The following BEND4 variants were observed in gnomAD, a reference collection of about 807,000 sequenced individuals.
BEND4 encodes the protein BEN domain containing 4.
Under a neutral mutation model 54.7 loss-of-function variants are expected in BEND4, and 27 were observed. The ratio of observed to expected loss-of-function variants is 0.49; its 90% CI spans 0.36 to 0.68. The LOEUF is 0.68. Among genes scored for constraint, BEND4 ranks in the 30% least tolerant of loss-of-function variants. The pLI is 0.00. For missense variants in BEND4, 702 were observed against 697.2 expected (o/e 1.01, Z -0.08); for synonymous variants, 327 against 299.5 (o/e 1.09, Z -0.95).
chr4:42,117,898 T>G (rs1189925653), intron 5 of BEND4, among the ~76,000 whole-genome samples, 163 bp from the exon 6 acceptor site: 5 of 151,226 alleles, frequency 3.3e-5, no homozygotes, highest in African/African-American at 2.5e-5. Flanking sequence ...TTAGACCCAA[T>G]TTATTCCATA....
rs536210195 is a variant in BEND4 at position 42,122,212 on chromosome 4, C to A, written c.1147-1918G>T. Reference sequence around the variant, plus strand: ...TCCTTTCTCCTCACAGGTGGAGGTACTAGGTCTATTCCTCAGCTGGGCTCT... The same window carrying A: ...TCCTTTCTCCTCACAGGTGGAGGTAATAGGTCTATTCCTCAGCTGGGCTCT... On this transcript the variant is annotated intron_variant, in intron 4 of 5. Coordinates refer to ENST00000502486, the MANE Select transcript of BEND4 (RefSeq NM_207406.4). Among the ~76,000 whole-genome samples, 135 of 152,334 alleles carry A rather than the reference C, an allele frequency of 8.9e-4. 1 individual carries two copies. The highest frequency in any genetic ancestry group is 3.2e-3 in the African/African-American group (132 of 41,588).
intron 3 of BEND4, among the ~76,000 whole-genome samples, chr4:42,132,770 C>T (rs1047249362): frequency 6.6e-6 from 1 of 152,062 alleles, no homozygotes; most frequent in African/African-American, 2.4e-5. Context: ...AAACAAGTCA[C>T]TCTCACGGTG....
At chr4:42,126,495 A>G (rs2153145376) in intron 3 of BEND4, among the ~76,000 whole-genome samples, 1 of 152,344 alleles carries the variant, frequency 6.6e-6, no homozygotes, top group South Asian at 2.1e-4. Flanking sequence ...AGTGTCCCAA[A>G]AAGAAGCTCA....
intron 3 of BEND4, among the ~76,000 whole-genome samples, chr4:42,141,355 T>C (rs1366025145): frequency 1.3e-5 from 2 of 152,154 alleles, no homozygotes; most frequent in Admixed American, 6.5e-5. Context: ...AATAAACAAG[T>C]GGGTAGCTTT....
At chr4:42,134,613 A>G (rs1411963087) in intron 3 of BEND4, among the ~76,000 whole-genome samples, 1 of 152,212 alleles carries the variant, frequency 6.6e-6, no homozygotes, top group Non-Finnish European at 1.5e-5. Context: ...CTCTCTTCAT[A>G]TCAGGACATC....
At chr4:42,123,444 T>C (rs1359161386) in intron 4 of BEND4, among the ~76,000 whole-genome samples, 2 of 151,962 alleles carry the variant, frequency 1.3e-5, no homozygotes, top group African/African-American at 4.8e-5. Flanking sequence ...AATGGGTTAC[T>C]TAAGAGTCAT....
chr4:42,127,673 G>A (rs1175440485), intron 3 of BEND4, among the ~76,000 whole-genome samples: 1 of 152,228 alleles, frequency 6.6e-6, no homozygotes, highest in Non-Finnish European at 1.5e-5. Flanking sequence ...TGCTGAGTAT[G>A]AGGCTCCAAA....
Position 42,143,944 on chromosome 4 carries a change from T to C in BEND4, c.538A>G (p.Ser180Gly). Residue 180 changes from serine (S) to glycine (G), a missense_variant, in exon 3 of 6, where the codon AGC becomes GGC. Transcript: ENST00000502486. ...AFAQQCSRVL[S>G]LLNCGGKLLD... ...AGTTTTCCTCCACAATTTAAGAGGC[T>C]AAGAACTCGACTGCACTGCTGGGCA... 6.5e-7 allele frequency: 1 copy of C among 1,542,996 alleles called. No individual in the cohort carries two copies. The highest frequency in any genetic ancestry group is 8.7e-7 in the Non-Finnish European group (1 of 1,149,370).
intron 3 of BEND4, among the ~76,000 whole-genome samples, chr4:42,137,505 A>C (rs1720735242): frequency 6.6e-6 from 1 of 152,190 alleles, no homozygotes; most frequent in Non-Finnish European, 1.5e-5. Context: ...CAAAAGCAAA[A>C]ACAAATAACT....
intron 3 of BEND4, among the ~76,000 whole-genome samples, chr4:42,132,818 AT>A (rs1560579422): frequency 1.3e-5 from 2 of 152,148 alleles, no homozygotes; most frequent in Non-Finnish European, 2.9e-5. Flanking sequence ...TGTTTTACTC[AT>A]TCATTTGTCC....
chr4:42,145,911 A>C (rs1410579384), intron 2 of BEND4, among the ~76,000 whole-genome samples: 1 of 152,008 alleles, frequency 6.6e-6, no homozygotes, highest in African/African-American at 2.4e-5. Flanking sequence ...CACAGCAGGT[A>C]CTCCTGTACA....
intron 2 of BEND4, among the ~76,000 whole-genome samples, chr4:42,144,353 A>G (rs1721002436): frequency 6.6e-6 from 1 of 152,236 alleles, no homozygotes; most frequent in Admixed American, 6.5e-5. Flanking sequence ...CAGCCACTGC[A>G]GACTCAATTC....
intron 2 of BEND4, 78 bp downstream of exon 2, chr4:42,151,579 C>G: frequency 7.3e-7 from 1 of 1,366,336 alleles, no homozygotes; most frequent in Non-Finnish European, 9.5e-7. Context: ...TGTCGGCGGC[C>G]CCCCGCTTCT....
intron 2 of BEND4, among the ~76,000 whole-genome samples, chr4:42,149,510 C>T (rs1721187933): frequency 1.3e-5 from 2 of 152,192 alleles, no homozygotes; most frequent in Admixed American, 1.3e-4. Context: ...TGCTATCAAG[C>T]TTACCCCTCT....
Position 42,151,954 on chromosome 4 carries a change from G to C in BEND4, c.190C>G (p.Pro64Ala). 3.2e-6 allele frequency: 4 copies of C among 1,249,050 alleles called. No individual in the cohort carries two copies. The East Asian group carries it at 9.5e-5, about 30-fold the overall frequency. 77.4% of individuals were successfully genotyped at this position (1,249,050 alleles called of 1,614,324 possible). ...APPPPPPPFAPHAAVSISSSE... is the reference protein window; with the variant it reads ...APPPPPPPFAAHAAVSISSSE... Reference sequence around the variant, plus strand: ...CTGCTGATGGAGACGGCGGCGTGCGGCGCGAAGGGCGGCGGGGGCGGCGGG... The same window carrying C: ...CTGCTGATGGAGACGGCGGCGTGCGCCGCGAAGGGCGGCGGGGGCGGCGGG... Residue 64 changes from proline (P) to alanine (A), a missense_variant, in exon 2 of 6, where the codon CCG (proline) becomes GCG (alanine). Coordinates refer to ENST00000502486, the MANE Select transcript of BEND4 (RefSeq NM_207406.4).
chr4:42,124,225 C>T lies in BEND4; in HGVS notation c.1146+1358G>A, dbSNP rs375612484. 3.3e-5 allele frequency among the ~76,000 whole-genome samples: 5 copies of T among 152,112 alleles called. No individual in the cohort carries two copies. In the East Asian group the frequency reaches 9.6e-4, roughly 29 times the overall value. ...AAAGTTAGCTGGGCGTGGTGGTGCA[C>T]ACCTGTAGTCTCGGCTATTTGCGGG... On this transcript the variant is annotated intron_variant, in intron 4 of 5. Transcript: ENST00000502486.
intron 5 of BEND4, 128 bp from the exon 6 acceptor site, chr4:42,117,863 C>T (rs1001210083): frequency 1.4e-5 from 9 of 644,012 alleles, no homozygotes; most frequent in Admixed American, 9.3e-5. Flanking sequence ...GGAAATCCAA[C>T]GCAATGCCAT....
Position 42,125,734 on chromosome 4 carries a change from A to C in BEND4, c.1055-60T>G, listed in dbSNP as rs140700490. The C allele has an allele frequency of 1.1e-4, 131 of 1,204,434 alleles. 1 individual carries two copies. In the African/African-American group the frequency reaches 1.5e-3, roughly 14 times the overall value. The allele number at this position is 1,204,434 out of a possible 1,614,324, so 74.6% of individuals were successfully genotyped here. ...CTATCCCGTAACATGAAAATAAATA[A>C]ATTTTTTAAAGTTTTTTTTTTTTTA... On this transcript the variant is annotated intron_variant, in intron 3 of 5. Transcript: ENST00000502486.
At chr4:42,148,159 G>C (rs751971100) in intron 2 of BEND4, among the ~76,000 whole-genome samples, 7 of 152,042 alleles carry the variant, frequency 4.6e-5, no homozygotes, top group Non-Finnish European at 1.0e-4. Flanking sequence ...ATTTTTAAAA[G>C]AGGGCTTCAT....
Sources: allele counts gnomAD v4.1 joint callset (sites outside exome capture counted in the v4.1 genomes callset), GRCh38; gene constraint gnomAD v4.1.1; transcripts MANE v1.5; gene names NCBI Gene and HGNC (gene_info 2026-07-23, HGNC 2026-07-21).